The following IFT80 variants were observed in gnomAD, a reference collection of about 807,000 sequenced individuals.
The protein encoded by IFT80 is intraflagellar transport protein 80 homolog.
IFT80 carries 79 observed loss-of-function variants against 107.9 expected under a neutral mutation model. That is an observed-to-expected ratio of 0.73 (90% confidence interval 0.61 to 0.88). The LOEUF (loss-of-function observed/expected upper bound fraction) is 0.88, where lower values mean the gene tolerates loss of function less well. Among genes scored for constraint, IFT80 ranks in the 40% least tolerant of loss-of-function variants. The probability of loss-of-function intolerance (pLI) is 0.00; values close to 1 mark genes in which losing one functional copy is unlikely to be tolerated. For missense variants in IFT80, 797 were observed against 914.2 expected, an observed-to-expected ratio of 0.87 and a Z score of 1.65; for synonymous variants, 299 against 300.9, an observed-to-expected ratio of 0.99 and a Z score of 0.07.
At chr3:160,316,138 A>T (rs938921025) in intron 9 of IFT80, among the ~76,000 whole-genome samples, 1 of 151,902 alleles carries the variant, frequency 6.6e-6, no homozygotes, top group African/African-American at 2.4e-5. Context: ...TCTTGCTTGC[A>T]CTCTCTCTGG....
chr3:160,308,022 T>C lies in IFT80; in HGVS notation c.958-241A>G, dbSNP rs550645674. Among the ~76,000 whole-genome samples the C allele has an allele frequency of 7.2e-5, 11 of 152,288 alleles. No individual in the cohort carries two copies. In the South Asian group the frequency reaches 2.1e-3, roughly 29 times the overall value. ...GAAGAAAAAGACCTACTGAGATTTCTAACTTGCAAGCCAAACTTAATGATG... is the reference window on the plus strand; with the variant it reads ...GAAGAAAAAGACCTACTGAGATTTCCAACTTGCAAGCCAAACTTAATGATG... On this transcript the variant is annotated intron_variant, in intron 9 of 19. Transcript: ENST00000326448.
chr3:160,383,153 C>T (rs1291353175), intron 2 of IFT80, among the ~76,000 whole-genome samples: 4 of 152,174 alleles, frequency 2.6e-5, no homozygotes, highest in Non-Finnish European at 5.9e-5. Flanking sequence ...ACATGCCAGA[C>T]GTCCATGACA....
At chr3:160,258,709 G>A in intron 19 of IFT80, 74 bp from the exon 20 acceptor site, 2 of 1,529,544 alleles carry the variant, frequency 1.3e-6, no homozygotes, top group Admixed American at 1.8e-5. Flanking sequence ...AAGTAACTAA[G>A]AGTAAACAGA....
intron 19 of IFT80, among the ~76,000 whole-genome samples, chr3:160,261,656 C>G (rs1031696493): frequency 6.6e-6 from 1 of 150,524 alleles, no homozygotes; most frequent in African/African-American, 2.4e-5. Context: ...AAAAATTTAG[C>G]TGGGCTTGGT....
chr3:160,312,613 A>T lies in IFT80; in HGVS notation c.958-4832T>A, dbSNP rs1409926050. Among the ~76,000 whole-genome samples, 6 of 64,906 alleles carry T rather than the reference A, an allele frequency of 9.2e-5. No individual in the cohort carries two copies. The Admixed American group carries it at 1.3e-3, about 14-fold the overall frequency. The allele number at this position is 64,906 out of a possible 152,430, so 42.6% of individuals were successfully genotyped here. Reference sequence around the variant, plus strand: ...ATATAATAAATATATATTATATATAAATATATAATATATATATATAATAAA... The same window carrying T: ...ATATAATAAATATATATTATATATATATATATAATATATATATATAATAAA... On this transcript the variant is annotated intron_variant, in intron 9 of 19. Transcript: ENST00000326448.
chr3:160,276,625 G>C lies in IFT80; in HGVS notation c.2099+681C>G, dbSNP rs138298942. Among the ~76,000 whole-genome samples, 253 of 152,288 alleles carry C rather than the reference G, an allele frequency of 1.7e-3. 2 individuals carry two copies. The highest frequency in any genetic ancestry group is 5.9e-3 in the African/African-American group (244 of 41,556). The stretch of plus-strand genomic sequence containing the variant: ...GAGGAACCTCTTATGTCACAGAGAA[G>C]AGCAGCATGCCACTTTGCCTCAGAA... On this transcript the variant is annotated intron_variant, in intron 18 of 19. Transcript: ENST00000326448.
intron 19 of IFT80, among the ~76,000 whole-genome samples, chr3:160,261,327 A>G (rs1164571037): frequency 1.3e-5 from 2 of 152,094 alleles, no homozygotes; most frequent in East Asian, 3.9e-4. Flanking sequence ...AGTGCTTAGT[A>G]TATATCAAGG....
chr3:160,305,492 A>G (rs1716772018), intron 10 of IFT80, among the ~76,000 whole-genome samples: 1 of 152,148 alleles, frequency 6.6e-6, no homozygotes, highest in Non-Finnish European at 1.5e-5. Context: ...TTATTAACTA[A>G]CCTTCATTCT....
Position 160,257,183 on chromosome 3 carries a change from T to C in IFT80, c.*1342A>G, listed in dbSNP as rs1345038130. The C allele has an allele frequency of 6.6e-6, 1 of 152,074 alleles. No individual in the cohort carries two copies. Among genetic ancestry groups the C allele is most frequent in the Non-Finnish European group, 1.5e-5 (1 of 68,010 alleles). 9.4% of individuals were successfully genotyped at this position (152,074 alleles called of 1,614,324 possible). On this transcript the variant is annotated 3_prime_UTR_variant, in exon 20 of 20. Transcript: ENST00000326448. ...CTGGATCAAGAACAGAATATTCCAA[T>C]ATTCCGGAAAAGAAAAGAAACATGT...
chr3:160,321,385 ATC>A (rs1019715840), intron 8 of IFT80, among the ~76,000 whole-genome samples: 2 of 151,738 alleles, frequency 1.3e-5, no homozygotes, highest in African/African-American at 2.4e-5. Flanking sequence ...GGCTTATGGC[ATC>A]TCTCTCTCTC....
At chr3:160,272,975 T>C (rs1364053541) in intron 18 of IFT80, among the ~76,000 whole-genome samples, 10 of 152,288 alleles carry the variant, frequency 6.6e-5, no homozygotes, top group Non-Finnish European at 1.3e-4. Context: ...AAATACTACG[T>C]CATTTTATAC....
In IFT80 at chr3:160,381,388, G is replaced by T. The variant is rs556772976; in HGVS notation, c.259+115C>A. On this transcript the variant is annotated intron_variant, in intron 3 of 19. Transcript: ENST00000326448. ...ATTCAGAAAAGAAATACAATATGTG[G>T]ATAAAAATATGCAGATCCACAAATA... The T allele has an allele frequency of 2.2e-5, 17 of 786,402 alleles. No individual in the cohort carries two copies. The African/African-American group carries it at 2.6e-4, about 12-fold the overall frequency. The allele number at this position is 786,402 out of a possible 1,614,324, so 48.7% of individuals were successfully genotyped here.
At chr3:160,383,075 CACAA>C (rs1164495132) in intron 2 of IFT80, among the ~76,000 whole-genome samples, 5 of 152,166 alleles carry the variant, frequency 3.3e-5, no homozygotes, top group African/African-American at 9.6e-5. Flanking sequence ...AGAAAACTCA[CACAA>C]ACAAATATGT....
intron 6 of IFT80, among the ~76,000 whole-genome samples, chr3:160,360,663 A>T (rs1415085865): frequency 6.6e-6 from 1 of 152,260 alleles, no homozygotes; most frequent in Non-Finnish European, 1.5e-5. Context: ...ATCTCTCAGC[A>T]GAAACTCTAC....
chr3:160,383,757 T>C (rs1426460909), intron 2 of IFT80: 6 of 985,234 alleles, frequency 6.1e-6, no homozygotes, highest in African/African-American at 1.7e-5. Context: ...CTGGGGACTC[T>C]TGCTGACAAA....
intron 5 of IFT80, among the ~76,000 whole-genome samples, chr3:160,371,528 A>G (rs1711528993): frequency 6.6e-6 from 1 of 152,102 alleles, no homozygotes; most frequent in Non-Finnish European, 1.5e-5. Flanking sequence ...TGTAGCCCCA[A>G]CGCCCACGGG....
At chr3:160,378,726 A>G (rs1712234371) in intron 3 of IFT80, among the ~76,000 whole-genome samples, 1 of 152,024 alleles carries the variant, frequency 6.6e-6, no homozygotes, top group South Asian at 2.1e-4. Flanking sequence ...CAAAATTTAA[A>G]AATGATAATA....
At chr3:160,291,843 AG>A (rs1008085286) in intron 12 of IFT80, among the ~76,000 whole-genome samples, 1 of 152,184 alleles carries the variant, frequency 6.6e-6, no homozygotes, top group African/African-American at 2.4e-5. Context: ...AAGGTTCAAA[AG>A]GTGATTGGAA....
At chr3:160,288,583 CTG>C (rs1443057153) in intron 12 of IFT80, among the ~76,000 whole-genome samples, 3 of 152,206 alleles carry the variant, frequency 2.0e-5, no homozygotes, top group South Asian at 2.1e-4. Context: ...TTTCTGCAAA[CTG>C]TGCATCTGAC....
Sources: allele counts gnomAD v4.1 joint callset (sites outside exome capture counted in the v4.1 genomes callset), GRCh38; gene constraint gnomAD v4.1.1; transcripts MANE v1.5; gene names NCBI Gene and HGNC (gene_info 2026-07-23, HGNC 2026-07-21).